Variants in USP25 observed in about 807,000 individuals in gnomAD.
USP25 encodes ubiquitin carboxyl-terminal hydrolase 25.
Under a neutral mutation model 158.5 loss-of-function variants are expected in USP25, and 85 were observed. The observed-to-expected ratio is 0.54, with a 90% CI of 0.45 to 0.64. The LOEUF (loss-of-function observed/expected upper bound fraction) is 0.64, where lower values mean the gene tolerates loss of function less well. Among genes scored for constraint, USP25 ranks in the 30% least tolerant of loss-of-function variants. The pLI is 0.00. For missense variants in USP25, 1,242 were observed against 1,327.3 expected (o/e 0.94, Z 1.00); for synonymous variants, 464 against 460.4 (o/e 1.01, Z -0.10).
intron 10 of USP25, among the ~76,000 whole-genome samples, chr21:15,821,456 A>G (rs148880035): frequency 2.7e-3 from 408 of 152,088 alleles, no homozygotes; most frequent in African/African-American, 8.3e-3. Flanking sequence ...GTCACAGGGC[A>G]TACTCATTTA....
intron 1 of USP25, among the ~76,000 whole-genome samples, chr21:15,761,329 G>A (rs1013630275): frequency 6.6e-6 from 1 of 152,164 alleles, no homozygotes; most frequent in Non-Finnish European, 1.5e-5. Context: ...CTCCCCCCCA[G>A]GAATGTCAGG....
rs149107872 is a variant in USP25, at chr21:15,874,594, A to G, written c.3009+68A>G. ...CATTGGGCAAGTTTTCCAGACTCATATATAAGTGATTGACTCCATAAACTC... is the reference window on the plus strand; with the variant it reads ...CATTGGGCAAGTTTTCCAGACTCATGTATAAGTGATTGACTCCATAAACTC... On this transcript the variant is annotated intron_variant, in intron 24 of 25. Coordinates refer to ENST00000400183, the MANE Select transcript of USP25 (RefSeq NM_001283041.3). 1.2e-3 allele frequency: 1,743 copies of G among 1,453,980 alleles called. 21 individuals are homozygous for G. In the East Asian group the frequency reaches 0.019, roughly 16 times the overall value. The allele number at this position is 1,453,980 out of a possible 1,614,324, so 90.1% of individuals were successfully genotyped here. A position where few individuals can be genotyped will look rare whatever the true frequency, so the allele number is the denominator to read the frequency against.
intron 4 of USP25, among the ~76,000 whole-genome samples, chr21:15,788,914 A>G (rs2035441990): frequency 6.6e-6 from 1 of 152,126 alleles, no homozygotes; most frequent in Non-Finnish European, 1.5e-5. Context: ...TTGAACTTTA[A>G]TCAAAGTTGT....
chr21:15,759,619 G>T (rs2033608429), intron 1 of USP25, among the ~76,000 whole-genome samples: 1 of 152,304 alleles, frequency 6.6e-6, no homozygotes, highest in East Asian at 1.9e-4. Flanking sequence ...TTAAGATAAG[G>T]AGTTGTGGAG....
intron 1 of USP25, among the ~76,000 whole-genome samples, chr21:15,752,285 G>A (rs1357003894): frequency 1.4e-5 from 2 of 147,348 alleles, no homozygotes; most frequent in Non-Finnish European, 3.0e-5. Context: ...GCGTGATCTC[G>A]ACTCACTGCA....
intron 4 of USP25, among the ~76,000 whole-genome samples, chr21:15,779,475 A>G (rs1385638919): frequency 6.6e-6 from 1 of 151,764 alleles, no homozygotes; most frequent in Non-Finnish European, 1.5e-5. Flanking sequence ...TTTTGTTTAT[A>G]TGAATTTATA....
intron 10 of USP25, among the ~76,000 whole-genome samples, chr21:15,821,824 G>A (rs1233059396): frequency 1.3e-5 from 2 of 151,628 alleles, no homozygotes; most frequent in African/African-American, 2.4e-5. Flanking sequence ...ATAAAAGCAA[G>A]GTATCTTATA....
At chr21:15,864,173 G>T (rs1297409433) in intron 20 of USP25, 95 bp from the exon 21 acceptor site, 809 of 975,008 alleles carry the variant, frequency 8.3e-4, no homozygotes, top group Non-Finnish European at 1.0e-3. Flanking sequence ...AAAAAAAAAA[G>T]ATTTAAATGC....
chr21:15,845,250 A>G (rs183305475), intron 18 of USP25, among the ~76,000 whole-genome samples: 225 of 152,284 alleles, frequency 1.5e-3, no homozygotes, highest in African/African-American at 4.7e-3. Context: ...GGCAAGTCAT[A>G]AAAATCTTCG....
chr21:15,785,426 G>A (rs1217596887), intron 4 of USP25, among the ~76,000 whole-genome samples: 5 of 152,012 alleles, frequency 3.3e-5, no homozygotes, highest in Non-Finnish European at 7.4e-5. Flanking sequence ...AACTGTGCAT[G>A]GAATATTCTC....
At chr21:15,853,298 TGTACACACAG>T (rs1429490254) in intron 20 of USP25, among the ~76,000 whole-genome samples, 2 of 151,478 alleles carry the variant, frequency 1.3e-5, no homozygotes, top group Admixed American at 6.6e-5. Flanking sequence ...TGTACACATG[TGTACACACAG>T]GTACACACAT....
intron 4 of USP25, among the ~76,000 whole-genome samples, chr21:15,789,051 G>A (rs1426478273): frequency 1.3e-5 from 2 of 152,006 alleles, no homozygotes; most frequent in East Asian, 3.9e-4. Context: ...TGTGACAAAT[G>A]GTTCAGGCTT....
chr21:15,836,130 G>A lies in USP25; in HGVS notation c.2194+2582G>A, dbSNP rs142029666. Among the ~76,000 whole-genome samples the A allele has an allele frequency of 2.4e-3, 359 of 152,140 alleles. 5 individuals are homozygous for A. The highest frequency in any genetic ancestry group is 8.4e-3 in the African/African-American group (347 of 41,514). On this transcript the variant is annotated intron_variant, in intron 17 of 25. Transcript: ENST00000400183. Reference sequence around the variant, plus strand: ...TCAGGTGTTCACTAGTATTACCAGTGACTAGTGGAAATAATAAAAGGAAAT... The same window carrying A: ...TCAGGTGTTCACTAGTATTACCAGTAACTAGTGGAAATAATAAAAGGAAAT...
At chr21:15,810,800 A>T (rs2036619845) in intron 8 of USP25, among the ~76,000 whole-genome samples, 1 of 152,226 alleles carries the variant, frequency 6.6e-6, no homozygotes, top group Admixed American at 6.5e-5. Context: ...CACTACACAG[A>T]GTATGAGATT....
chr21:15,779,692 T>G (rs918156297), intron 4 of USP25, among the ~76,000 whole-genome samples: 5 of 151,930 alleles, frequency 3.3e-5, no homozygotes, highest in African/African-American at 1.2e-4. Context: ...TTATCCAAAA[T>G]GGCAAAAGAA....
chr21:15,768,093 G>T (rs149320163), intron 3 of USP25, among the ~76,000 whole-genome samples: 315 of 152,044 alleles, frequency 2.1e-3, no homozygotes, highest in Middle Eastern at 3.4e-3. Context: ...TATTCACGAG[G>T]TAATTTTATT....
intron 23 of USP25, among the ~76,000 whole-genome samples, chr21:15,871,962 G>T (rs1334584720): frequency 6.9e-6 from 1 of 145,306 alleles, no homozygotes; most frequent in East Asian, 2.0e-4. Context: ...CTGCACTCCA[G>T]CCTGGGCGAC....
intron 9 of USP25, among the ~76,000 whole-genome samples, chr21:15,813,963 CG>C (rs1167668923): frequency 6.6e-6 from 1 of 151,464 alleles, no homozygotes; most frequent in Non-Finnish European, 1.5e-5. Flanking sequence ...CGCAGAATTC[CG>C]TGTGTTGTGG....
chr21:15,842,459 C>T lies in USP25; in HGVS notation c.2256C>T (p.His752=), dbSNP rs776926310. The T allele has an allele frequency of 2.5e-6, 4 of 1,613,734 alleles. No homozygotes were observed. The highest frequency in any genetic ancestry group is 1.1e-5 in the South Asian group (1 of 91,072). ...EQPSRSDFSK[H]LKEETIQIIT... is the part of the protein sequence containing the mutation. Reference sequence around the variant, plus strand: ...CATCAAGAAGTGATTTCTCAAAGCACTTGAAAGAAGAAACTATTCAAATAA... The same window carrying T: ...CATCAAGAAGTGATTTCTCAAAGCATTTGAAAGAAGAAACTATTCAAATAA... The change falls in exon 18 of 26, where the codon CAC becomes CAT. Residue 752 remains histidine (H), a synonymous_variant. Transcript: ENST00000400183.
Sources: gnomAD v4.1 joint callset for allele counts (sites outside exome capture counted in the v4.1 genomes callset) on GRCh38, gnomAD v4.1.1 for gene constraint, MANE v1.5 for transcripts, NCBI Gene and HGNC (gene_info 2026-07-23, HGNC 2026-07-21) for gene names.